Variants in CACNB2 observed in about 807,000 individuals in gnomAD.
CACNB2 encodes voltage-dependent L-type calcium channel subunit beta-2.
In CACNB2, 42 loss-of-function variants were observed where a neutral mutation model predicts 73.3. That is an observed-to-expected ratio of 0.57 (90% confidence interval 0.45 to 0.74). CACNB2 has a LOEUF of 0.74. Among genes scored for constraint, CACNB2 ranks in the 30% least tolerant of loss-of-function variants. The pLI is 0.00. For missense variants in CACNB2, 940 were observed against 853.0 expected (o/e 1.10, Z -1.27); for synonymous variants, 348 against 310.3 (o/e 1.12, Z -1.28).
rs543598670 is a variant in CACNB2 at position 18,537,242 on chromosome 10, C to T, written c.1303-938C>T. 9.9e-5 allele frequency among the ~76,000 whole-genome samples: 15 copies of T among 152,180 alleles called. No individual in the cohort carries two copies. The South Asian group carries it at 1.2e-3, about 13-fold the overall frequency. The stretch of plus-strand genomic sequence containing the variant: ...ACCTCAAGTGATCCATCCACCTTGG[C>T]CTCCCAAAGTGCTGGGATTACAGGC... On this transcript the variant is annotated intron_variant, in intron 12 of 13. Transcript: ENST00000324631.
chr10:18,312,567 G>T (rs1564426867), intron 2 of CACNB2, among the ~76,000 whole-genome samples: 3 of 152,192 alleles, frequency 2.0e-5, no homozygotes, highest in African/African-American at 7.2e-5. Flanking sequence ...CACTGTATCA[G>T]TGTCCTTTAA....
intron 2 of CACNB2, among the ~76,000 whole-genome samples, chr10:18,231,843 C>G (rs577993970): frequency 6.6e-6 from 1 of 152,286 alleles, no homozygotes; most frequent in South Asian, 2.1e-4. Context: ...AGTTTCAGCC[C>G]TCATCACTCC....
At chr10:18,495,483 T>C (rs941211621) in intron 3 of CACNB2, among the ~76,000 whole-genome samples, 2 of 152,042 alleles carry the variant, frequency 1.3e-5, no homozygotes, top group Non-Finnish European at 2.9e-5. Context: ...CCTCCCAAAG[T>C]GCTGCGATTA....
At chr10:18,217,725 G>A (rs2131375401) in intron 2 of CACNB2, among the ~76,000 whole-genome samples, 1 of 151,702 alleles carries the variant, frequency 6.6e-6, no homozygotes. Flanking sequence ...AACAGCCATT[G>A]CGAAGGCCTA....
intron 2 of CACNB2, among the ~76,000 whole-genome samples, chr10:18,381,656 C>T (rs2043023271): frequency 6.7e-6 from 1 of 149,546 alleles, no homozygotes; most frequent in Non-Finnish European, 1.5e-5. Flanking sequence ...CCACTGCTCT[C>T]CAGCCTGGGC....
chr10:18,172,862 TG>T (rs2131161887), intron 2 of CACNB2, among the ~76,000 whole-genome samples: 1 of 151,674 alleles, frequency 6.6e-6, no homozygotes, highest in African/African-American at 2.4e-5. Context: ...CATCACACAT[TG>T]GGCAAGTTAC....
chr10:18,402,130 T>A (rs1444371151), intron 3 of CACNB2, 87 bp downstream of exon 3: 1 of 1,400,486 alleles, frequency 7.1e-7, no homozygotes, highest in African/African-American at 1.4e-5. Flanking sequence ...CTAAAGGTTG[T>A]TTGATCTATT....
At chr10:18,205,553 T>C (rs4748444) in intron 2 of CACNB2, among the ~76,000 whole-genome samples, 38,312 of 152,086 alleles carry the variant, frequency 0.25, 5,350 homozygotes, top group Middle Eastern at 0.34. Flanking sequence ...TTTCTTAATA[T>C]TTGGTGTATT....
chr10:18,498,021 T>G (rs2049941036), intron 3 of CACNB2, among the ~76,000 whole-genome samples: 1 of 152,214 alleles, frequency 6.6e-6, no homozygotes, highest in South Asian at 2.1e-4. Flanking sequence ...ACTGGGGATT[T>G]TATTCATGTT....
At chr10:18,255,020 TG>T (rs997639248) in intron 2 of CACNB2, among the ~76,000 whole-genome samples, 13 of 151,994 alleles carry the variant, frequency 8.6e-5, no homozygotes, top group Admixed American at 5.2e-4. Flanking sequence ...ATCTTTTGCT[TG>T]GGTAAAAGTA....
intron 3 of CACNB2, among the ~76,000 whole-genome samples, chr10:18,409,020 C>T (rs749557198): frequency 1.9e-4 from 29 of 149,794 alleles, no homozygotes; most frequent in Non-Finnish European, 3.8e-4. Flanking sequence ...GCCTCGCTAA[C>T]ATTTTTTAAA....
At chr10:18,273,389 C>CA (rs140290386) in intron 2 of CACNB2, among the ~76,000 whole-genome samples, 1,937 of 143,834 alleles carry the variant, frequency 0.013, 49 homozygotes, top group African/African-American at 0.045. Context: ...AAAAACAAAA[C>CA]AAAAAAAAAA....
At chr10:18,354,921 C>G (rs765851687) in intron 2 of CACNB2, among the ~76,000 whole-genome samples, 3 of 122,846 alleles carry the variant, frequency 2.4e-5, no homozygotes, top group Non-Finnish European at 5.4e-5. Flanking sequence ...AAATCCAAAA[C>G]TTTTTGAGTA....
At chr10:18,266,995 A>G (rs2037837215) in intron 2 of CACNB2, among the ~76,000 whole-genome samples, 1 of 152,040 alleles carries the variant, frequency 6.6e-6, no homozygotes, top group Non-Finnish European at 1.5e-5. Context: ...GTGTATATAT[A>G]CTATGTGTGT....
chr10:18,487,051 G>A (rs988798299), intron 3 of CACNB2, among the ~76,000 whole-genome samples: 6 of 152,146 alleles, frequency 3.9e-5, no homozygotes, highest in South Asian at 2.1e-4. Context: ...TTGAGAAGGC[G>A]CTGTCTGCTT....
At chr10:18,320,096 G>T (rs2040343270) in intron 2 of CACNB2, among the ~76,000 whole-genome samples, 1 of 149,910 alleles carries the variant, frequency 6.7e-6, no homozygotes, top group Non-Finnish European at 1.5e-5. Context: ...CTTTCATGCC[G>T]ACCCCGCCAC....
At chr10:18,312,859 C>G (rs1353006548) in intron 2 of CACNB2, among the ~76,000 whole-genome samples, 1 of 152,150 alleles carries the variant, frequency 6.6e-6, no homozygotes, top group Non-Finnish European at 1.5e-5. Flanking sequence ...GTTCTCCTGA[C>G]ATTGACTTTT....
At position 18,500,882 on chromosome 10, in the gene CACNB2, C is replaced by T; in HGVS notation, c.527C>T (p.Pro176Leu). The T allele has an allele frequency of 6.2e-7, 1 of 1,613,936 alleles. No individual in the cohort carries two copies. Among genetic ancestry groups the T allele is most frequent in the Non-Finnish European group, 8.5e-7 (1 of 1,179,902 alleles). The change falls in exon 5 of 14, where the codon CCA (proline) becomes CTA (leucine). Residue 176 changes from proline to leucine, a missense_variant. Transcript: ENST00000324631. ...EGCEIGFIPS[P>L]VKLENMRLQH... ...TGTGAAATCGGATTCATTCCAAGCC[C>T]AGTCAAACTAGAAAACATGAGGCTG...
At chr10:18,236,272 C>T (rs531216668) in intron 2 of CACNB2, among the ~76,000 whole-genome samples, 5 of 152,282 alleles carry the variant, frequency 3.3e-5, no homozygotes, top group South Asian at 2.1e-4. Flanking sequence ...CAGAGACATT[C>T]GCCATTGGTT....
Sources: gnomAD v4.1 joint callset for allele counts (sites outside exome capture counted in the v4.1 genomes callset) on GRCh38, gnomAD v4.1.1 for gene constraint, MANE v1.5 for transcripts, NCBI Gene and HGNC (gene_info 2026-07-23, HGNC 2026-07-21) for gene names.